Variants in IFT57 observed in about 807,000 individuals in gnomAD.
The protein encoded by IFT57 is intraflagellar transport protein 57 homolog.
In IFT57, 59 loss-of-function variants were observed where a neutral mutation model predicts 56.8. That is an observed-to-expected ratio of 1.04 (90% CI 0.84 to 1.29). IFT57 has a LOEUF of 1.29. IFT57 is among the 50% of genes most tolerant of loss of function. IFT57 has a pLI of 0.00. For synonymous variants in IFT57, 209 were observed against 186.1 expected (o/e 1.12, Z -1.00); for missense variants, 470 against 522.1 (o/e 0.90, Z 0.97).
chr3:108,173,727 C>T (rs1240488753), intron 6 of IFT57, among the ~76,000 whole-genome samples: 1 of 148,664 alleles, frequency 6.7e-6, no homozygotes, highest in Non-Finnish European at 1.5e-5. Context: ...ACTGTAAAGT[C>T]GAAAAATTGT....
chr3:108,170,589 G>T (rs900909426), intron 6 of IFT57, among the ~76,000 whole-genome samples: 43 of 151,306 alleles, frequency 2.8e-4, no homozygotes, highest in African/African-American at 9.7e-4. Context: ...GTAATTTATA[G>T]ATTCAATGCT....
chr3:108,172,391 T>C (rs975702620), intron 6 of IFT57, among the ~76,000 whole-genome samples: 3 of 151,892 alleles, frequency 2.0e-5, no homozygotes, highest in African/African-American at 7.2e-5. Flanking sequence ...TCAAGGGCTT[T>C]GCTTATAACA....
At chr3:108,217,742 A>C (rs2080380694) in intron 3 of IFT57, among the ~76,000 whole-genome samples, 2 of 150,810 alleles carry the variant, frequency 1.3e-5, no homozygotes, top group Non-Finnish European at 3.0e-5. Flanking sequence ...AAAAAAAAAC[A>C]CTGCTTACTC....
chr3:108,198,958 A>AT (rs147790641), intron 5 of IFT57, among the ~76,000 whole-genome samples: 12,167 of 152,236 alleles, frequency 0.08, 591 homozygotes, highest in Middle Eastern at 0.11. Context: ...TATAGATTCT[A>AT]TACTACTTTG....
At chr3:108,185,991 G>A (rs968777415) in intron 6 of IFT57, among the ~76,000 whole-genome samples, 3 of 151,996 alleles carry the variant, frequency 2.0e-5, no homozygotes, top group Non-Finnish European at 2.9e-5. Flanking sequence ...CTTAAACATC[G>A]AAGGCACTGA....
At chr3:108,197,506 A>G (rs1380454094) in intron 5 of IFT57, among the ~76,000 whole-genome samples, 3 of 152,200 alleles carry the variant, frequency 2.0e-5, no homozygotes, top group Non-Finnish European at 4.4e-5. Flanking sequence ...AGAATCAAAC[A>G]TACAGTGTTA....
chr3:108,180,101 A>C (rs2080144202), intron 6 of IFT57, among the ~76,000 whole-genome samples: 1 of 152,026 alleles, frequency 6.6e-6, no homozygotes, highest in Non-Finnish European at 1.5e-5. Flanking sequence ...TCTCACACCT[A>C]CCTATCACAG....
intron 6 of IFT57, among the ~76,000 whole-genome samples, chr3:108,181,990 C>T (rs927432194): frequency 1.3e-5 from 2 of 151,958 alleles, no homozygotes; most frequent in African/African-American, 2.4e-5. Flanking sequence ...ATTTTAATAA[C>T]GATTATATAC....
chr3:108,188,272 T>C (rs2080195860), intron 6 of IFT57, among the ~76,000 whole-genome samples: 1 of 152,180 alleles, frequency 6.6e-6, no homozygotes. Context: ...GGTTTATTTT[T>C]ATTTCTGAGG....
chr3:108,189,544 A>G (rs9854728), intron 6 of IFT57, among the ~76,000 whole-genome samples: 14,649 of 152,126 alleles, frequency 0.096, 768 homozygotes, highest in Middle Eastern at 0.12. Context: ...ATTCCATAAC[A>G]CTGGGGGCTT....
chr3:108,162,690 CA>C, intron 10 of IFT57, 35 bp from the exon 11 acceptor site: 1 of 1,502,878 alleles, frequency 6.7e-7, no homozygotes. Flanking sequence ...TAAAAATGTT[CA>C]TTTGGAGTAT....
chr3:108,205,976 ATAT>A (rs1560122275), intron 5 of IFT57, among the ~76,000 whole-genome samples: 1 of 52,746 alleles, frequency 1.9e-5, no homozygotes, highest in Non-Finnish European at 5.0e-5. Context: ...ATATATTTAT[ATAT>A]AATATATAAT....
At chr3:108,185,647 C>A (rs149349325) in intron 6 of IFT57, among the ~76,000 whole-genome samples, 4 of 151,110 alleles carry the variant, frequency 2.6e-5, no homozygotes, top group Non-Finnish European at 5.9e-5. Context: ...CAACCTCCCC[C>A]TCCTGGATTC....
chr3:108,219,409 C>T lies in IFT57; in HGVS notation c.375+1G>A. ...GAAAAAGAAGGGTCGTTTACACTTA[C>T]AAATGACCGAAGCTCGGATAGTATG... On this transcript the variant is annotated splice_donor_variant, in intron 2 of 10. Transcript: ENST00000264538. LOFTEE classifies it high-confidence loss of function. 1.2e-6 allele frequency: 2 copies of T among 1,609,530 alleles called. No individual in the cohort carries two copies. The highest frequency in any genetic ancestry group is 2.2e-5 in the South Asian group (2 of 90,974).
intron 6 of IFT57, among the ~76,000 whole-genome samples, chr3:108,188,966 T>C (rs1033785361): frequency 2.0e-5 from 3 of 152,232 alleles, no homozygotes; most frequent in Non-Finnish European, 4.4e-5. Flanking sequence ...CTTGTGGGAT[T>C]AAGCTGTACT....
chr3:108,216,976 A>G (rs1390962901), intron 3 of IFT57, among the ~76,000 whole-genome samples: 1 of 152,108 alleles, frequency 6.6e-6, no homozygotes, highest in African/African-American at 2.4e-5. Flanking sequence ...GTGGGTGAGT[A>G]CAAAGTTACA....
intron 3 of IFT57, among the ~76,000 whole-genome samples, chr3:108,215,858 C>T (rs2080369307): frequency 6.6e-6 from 1 of 152,068 alleles, no homozygotes; most frequent in South Asian, 2.1e-4. Context: ...ATCCAAGTCA[C>T]AGTCTCTTCA....
chr3:108,184,700 C>A (rs1269775313), intron 6 of IFT57, among the ~76,000 whole-genome samples: 2 of 152,098 alleles, frequency 1.3e-5, no homozygotes, highest in African/African-American at 4.8e-5. Context: ...GTAGCCACCT[C>A]TTATTATTGT....
chr3:108,197,074 TC>T (rs1422385943), intron 5 of IFT57, among the ~76,000 whole-genome samples: 1 of 152,192 alleles, frequency 6.6e-6, no homozygotes, highest in Non-Finnish European at 1.5e-5. Context: ...CATGACAAAG[TC>T]CCTCTCTAAC....
Sources: gnomAD v4.1 joint callset for allele counts (sites outside exome capture counted in the v4.1 genomes callset) on GRCh38, gnomAD v4.1.1 for gene constraint, MANE v1.5 for transcripts, NCBI Gene and HGNC (gene_info 2026-07-23, HGNC 2026-07-21) for gene names.